Variants in OPCML observed in about 807,000 individuals in gnomAD.
The protein encoded by OPCML is opioid-binding protein/cell adhesion molecule.
In OPCML, 13 loss-of-function variants were observed where a neutral mutation model predicts 37.8. The ratio of observed to expected loss-of-function variants is 0.34; its 90% CI spans 0.22 to 0.55. The LOEUF (loss-of-function observed/expected upper bound fraction) is 0.55. Ranked by LOEUF, OPCML falls within the 20% of genes least tolerant of loss-of-function variation. The pLI is 0.91. For synonymous variants in OPCML, 176 were observed against 168.8 expected (o/e 1.04, Z -0.33); for missense variants, 341 against 435.6 (o/e 0.78, Z 1.93).
chr11:132,804,052 A>G (rs1200132028), intron 2 of OPCML, among the ~76,000 whole-genome samples: 1 of 152,186 alleles, frequency 6.6e-6, no homozygotes, highest in African/African-American at 2.4e-5. Context: ...TTGGCCATAA[A>G]CAGCTTTAAA....
chr11:132,553,818 C>G (rs2096388072), intron 3 of OPCML, among the ~76,000 whole-genome samples: 1 of 152,192 alleles, frequency 6.6e-6, no homozygotes, highest in Admixed American at 6.5e-5. Context: ...CCTTCCCAAA[C>G]TCTGCCAATC....
At chr11:132,859,150 TA>T (rs1325299518) in intron 2 of OPCML, 2 of 152,216 alleles carry the variant, frequency 1.3e-5, no homozygotes, top group Non-Finnish European at 2.9e-5. Context: ...TTTAAAATCA[TA>T]GTGATGATGA....
At chr11:133,073,912 T>C (rs1375985574) in intron 1 of OPCML, among the ~76,000 whole-genome samples, 1 of 152,234 alleles carries the variant, frequency 6.6e-6, no homozygotes, top group Admixed American at 6.5e-5. Flanking sequence ...AGGCTTAGAA[T>C]ACTGGCCCAA....
chr11:132,436,894 G>T, intron 5 of OPCML, 115 bp from the exon 6 acceptor site: 2 of 1,480,904 alleles, frequency 1.4e-6, no homozygotes, highest in Non-Finnish European at 1.8e-6. Flanking sequence ...TGGATTTCTT[G>T]TGACAACCCT....
At chr11:132,715,080 C>A (rs544552250) in intron 2 of OPCML, among the ~76,000 whole-genome samples, 1 of 152,316 alleles carries the variant, frequency 6.6e-6, no homozygotes, top group African/African-American at 2.4e-5. Context: ...AGACAGATCA[C>A]CCCAGTCCTC....
chr11:132,704,264 T>A (rs552837521), intron 2 of OPCML, among the ~76,000 whole-genome samples: 1 of 152,318 alleles, frequency 6.6e-6, no homozygotes, highest in Admixed American at 6.5e-5. Flanking sequence ...TTTCTCTCTC[T>A]CATATTTTTT....
intron 2 of OPCML, among the ~76,000 whole-genome samples, chr11:132,824,087 C>A (rs1270543363): frequency 6.6e-6 from 1 of 152,174 alleles, no homozygotes; most frequent in Admixed American, 6.5e-5. Context: ...GATGCTGCAG[C>A]CTTTCCAGTT....
chr11:133,117,134 C>T (rs530972685), intron 1 of OPCML, among the ~76,000 whole-genome samples: 14 of 152,050 alleles, frequency 9.2e-5, no homozygotes, highest in Admixed American at 2.0e-4. Flanking sequence ...TCAAATTATC[C>T]CAGATTTGGT....
At chr11:133,130,812 A>C (rs555458107) in intron 1 of OPCML, among the ~76,000 whole-genome samples, 1 of 151,984 alleles carries the variant, frequency 6.6e-6, no homozygotes, top group Admixed American at 6.5e-5. Context: ...AATTTTGACA[A>C]AGGAGCTAAA....
chr11:133,033,200 G>T (rs1302983307), intron 1 of OPCML, among the ~76,000 whole-genome samples: 3 of 152,174 alleles, frequency 2.0e-5, no homozygotes, highest in African/African-American at 7.2e-5. Context: ...CTTGTAGGTT[G>T]AAGAGATTAG....
chr11:133,460,267 G>C (rs1371665769), intron 1 of OPCML, among the ~76,000 whole-genome samples: 1 of 151,700 alleles, frequency 6.6e-6, no homozygotes, highest in Non-Finnish European at 1.5e-5. Flanking sequence ...CATTTATTAA[G>C]ACAAAAGGTC....
intron 1 of OPCML, among the ~76,000 whole-genome samples, chr11:133,458,156 ATATATATACATATACATATATGTG>A (rs1565644463): frequency 2.0e-5 from 3 of 150,048 alleles, no homozygotes; most frequent in South Asian, 4.2e-4. Context: ...GAGAAAAAAT[ATATATATACATATACATATATGTG>A]TATATATACA....
At chr11:132,562,853 A>T (rs1565667993) in intron 3 of OPCML, among the ~76,000 whole-genome samples, 2 of 152,210 alleles carry the variant, frequency 1.3e-5, no homozygotes, top group African/African-American at 4.8e-5. Context: ...AATAAAAAGC[A>T]GGCAAAGCTC....
rs58071870 is a variant in OPCML, at chr11:133,440,782, C to CTG, written c.61+91480_61+91481dup. Among the ~76,000 whole-genome samples the CTG allele has an allele frequency of 6.8e-4, 88 of 129,576 alleles. 1 individual carries two copies. Among genetic ancestry groups the CTG allele is most frequent in the Middle Eastern group, 4.1e-3 (1 of 246 alleles). 85.0% of individuals were successfully genotyped at this position (129,576 alleles called of 152,430 possible). A position where few individuals can be genotyped will look rare whatever the true frequency, so the allele number is the denominator to read the frequency against. On this transcript the variant is annotated intron_variant, in intron 1 of 7. Coordinates refer to ENST00000524381, the MANE Select transcript of OPCML (RefSeq NM_001012393.5). ...AGCAATTATATATATATATATATAT[C>CTG]TGTGTGTGTGTGTGTGTGTGAGTGT...
At chr11:132,449,817 G>A (rs1017503258) in intron 4 of OPCML, among the ~76,000 whole-genome samples, 1 of 152,166 alleles carries the variant, frequency 6.6e-6, no homozygotes, top group African/African-American at 2.4e-5. Context: ...AGGGGATCCG[G>A]CCAGCTCATT....
At chr11:133,006,389 C>A (rs1016583177) in intron 1 of OPCML, 49 of 960,952 alleles carry the variant, frequency 5.1e-5, no homozygotes, top group Non-Finnish European at 5.9e-5. Context: ...GGCCATGGGA[C>A]AAAGAACCCC....
chr11:133,363,800 GCTCT>G (rs973132505), intron 1 of OPCML, among the ~76,000 whole-genome samples: 9 of 152,134 alleles, frequency 5.9e-5, no homozygotes, highest in African/African-American at 2.2e-4. Context: ...AAAAGAGGAG[GCTCT>G]CTCTATTTCT....
chr11:133,351,837 A>C (rs1944146279), intron 1 of OPCML, among the ~76,000 whole-genome samples: 1 of 151,988 alleles, frequency 6.6e-6, no homozygotes, highest in South Asian at 2.1e-4. Flanking sequence ...AACAACTTTC[A>C]ACCTTGAGAT....
intron 3 of OPCML, among the ~76,000 whole-genome samples, chr11:132,647,084 G>A (rs1031320950): frequency 1.2e-4 from 19 of 152,220 alleles, no homozygotes; most frequent in African/African-American, 4.6e-4. Context: ...ACCTGGCGTG[G>A]CAGTCTGACC....
Sources: allele counts gnomAD v4.1 joint callset (sites outside exome capture counted in the v4.1 genomes callset), GRCh38; gene constraint gnomAD v4.1.1; transcripts MANE v1.5; gene names NCBI Gene and HGNC (gene_info 2026-07-23, HGNC 2026-07-21).